Variants in ANO3 observed in about 807,000 individuals in gnomAD.
The protein encoded by ANO3 is anoctamin-3.
In ANO3, 99 loss-of-function variants were observed where a neutral mutation model predicts 144.8. The observed-to-expected ratio is 0.68, with a 90% CI of 0.58 to 0.81. The LOEUF (loss-of-function observed/expected upper bound fraction) is 0.81, where lower values mean the gene tolerates loss of function less well. ANO3 is among the 30% of genes least tolerant of loss of function. ANO3 has a pLI of 0.00. For synonymous variants in ANO3, 414 were observed against 392.6 expected (o/e 1.05, Z -0.64); for missense variants, 905 against 1,202.2 (o/e 0.75, Z 3.66).
intron 1 of ANO3, among the ~76,000 whole-genome samples, chr11:26,223,694 A>G (rs1168142808): frequency 6.6e-6 from 1 of 151,798 alleles, no homozygotes; most frequent in African/African-American, 2.4e-5. Flanking sequence ...TACATGAAGC[A>G]TGGCACTGGC....
At chr11:26,647,656 G>T in intron 23 of ANO3, 53 bp from the exon 24 acceptor site, 3 of 1,512,266 alleles carry the variant, frequency 2.0e-6, no homozygotes, top group Non-Finnish European at 1.8e-6. Context: ...ATTAATTACA[G>T]GGTTTTCATA....
intron 3 of ANO3, 53 bp downstream of exon 3, chr11:26,443,889 C>T (rs888444059): frequency 4.9e-6 from 6 of 1,234,692 alleles, no homozygotes; most frequent in Non-Finnish European, 6.9e-6. Flanking sequence ...CAAAGGTAAG[C>T]TGTGTTCTTC....
chr11:26,383,519 G>T (rs1008732391), intron 1 of ANO3, among the ~76,000 whole-genome samples: 1 of 119,724 alleles, frequency 8.4e-6, no homozygotes, highest in East Asian at 2.0e-4. Flanking sequence ...CCTAGGAGAT[G>T]ACAGCAATAT....
intron 5 of ANO3, among the ~76,000 whole-genome samples, chr11:26,513,175 T>A (rs1447820103): frequency 6.6e-6 from 1 of 151,848 alleles, no homozygotes; most frequent in Non-Finnish European, 1.5e-5. Context: ...GCAGAGGAGG[T>A]ATGGGATATT....
Position 26,627,267 on chromosome 11 carries a change from G to T in ANO3, c.1873+2769G>T, listed in dbSNP as rs573715073. 3.9e-5 allele frequency among the ~76,000 whole-genome samples: 6 copies of T among 151,904 alleles called. 1 individual carries two copies. Among genetic ancestry groups the T allele is most frequent in the Admixed American group, 3.9e-4 (6 of 15,204 alleles). ...ATCATGACTGTATAACTATCATTAA[G>T]CTTTTTCCTCTCCCTGTTCTCTCTT... On this transcript the variant is annotated intron_variant, in intron 18 of 26. Coordinates refer to ENST00000256737, the MANE Select transcript of ANO3 (RefSeq NM_031418.4).
At position 26,245,018 on chromosome 11, in the gene ANO3, T is replaced by TGTGTGCGCGTGC. The variant is rs151031559; in HGVS notation, c.154+55691_154+55692insTGCGCGTGCGTG. Among the ~76,000 whole-genome samples, 85 of 145,426 alleles carry TGTGTGCGCGTGC rather than the reference T, an allele frequency of 5.8e-4. 2 individuals carry two copies. The highest frequency in any genetic ancestry group is 2.1e-3 in the African/African-American group (82 of 39,540). ...GTGTGTGTGTGTGTGTGTGTGTGTG[T>TGTGTGCGCGTGC]GTGCATGCATGCATTTGTCTTTCAT... On this transcript the variant is annotated intron_variant, in intron 1 of 27. Transcript: ENST00000672621.
At chr11:26,488,524 A>G (rs569002753) in intron 4 of ANO3, among the ~76,000 whole-genome samples, 3 of 152,040 alleles carry the variant, frequency 2.0e-5, no homozygotes, top group Non-Finnish European at 2.9e-5. Flanking sequence ...GTTCCTTCAG[A>G]TGTTCAGATG....
chr11:26,512,065 T>C (rs1470963599), intron 5 of ANO3, among the ~76,000 whole-genome samples: 1 of 152,154 alleles, frequency 6.6e-6, no homozygotes, highest in African/African-American at 2.4e-5. Context: ...AAAAATAAAT[T>C]TGGATTACTG....
chr11:26,446,164 C>G (rs369660501), intron 3 of ANO3, among the ~76,000 whole-genome samples: 3 of 152,018 alleles, frequency 2.0e-5, no homozygotes, highest in East Asian at 3.9e-4. Flanking sequence ...AGACGCCCGG[C>G]CTAATATGAC....
At chr11:26,496,929 A>G (rs1023964081) in intron 4 of ANO3, among the ~76,000 whole-genome samples, 4 of 150,526 alleles carry the variant, frequency 2.7e-5, no homozygotes, top group South Asian at 2.1e-4. Flanking sequence ...TATAAAATCA[A>G]CCTAAGCATT....
intron 4 of ANO3, among the ~76,000 whole-genome samples, chr11:26,483,064 A>C (rs540767410): frequency 6.6e-6 from 1 of 151,868 alleles, no homozygotes; most frequent in South Asian, 2.1e-4. Flanking sequence ...CAATATAATG[A>C]TTTCTTTTCC....
chr11:26,640,432 G>A (rs1029450157), intron 21 of ANO3, among the ~76,000 whole-genome samples: 1 of 152,166 alleles, frequency 6.6e-6, no homozygotes, highest in African/African-American at 2.4e-5. Context: ...CAGTTCATTT[G>A]TGGTGTTCCT....
At chr11:26,233,101 C>T (rs1374359805) in intron 1 of ANO3, among the ~76,000 whole-genome samples, 5 of 151,824 alleles carry the variant, frequency 3.3e-5, no homozygotes, top group Admixed American at 6.6e-5. Flanking sequence ...CCTGTAGTCC[C>T]AGCTACTCGG....
intron 1 of ANO3, among the ~76,000 whole-genome samples, chr11:26,365,043 G>A (rs1385098905): frequency 1.3e-5 from 2 of 152,156 alleles, no homozygotes; most frequent in Non-Finnish European, 2.9e-5. Context: ...AGATACAATG[G>A]GGGTATTGGC....
chr11:26,508,017 T>C, intron 4 of ANO3, 87 bp from the exon 5 acceptor site: 1 of 1,130,380 alleles, frequency 8.8e-7, no homozygotes. Context: ...TGATATTGTA[T>C]TGCCAGTGTT....
chr11:26,283,040 C>A (rs907551339), intron 1 of ANO3, among the ~76,000 whole-genome samples: 18 of 151,688 alleles, frequency 1.2e-4, no homozygotes, highest in African/African-American at 3.6e-4. Flanking sequence ...AATTGAAAAA[C>A]AAATCATTGC....
intron 1 of ANO3, chr11:26,287,306 C>T (rs2041583890): frequency 1.3e-5 from 2 of 152,154 alleles, no homozygotes; most frequent in African/African-American, 4.8e-5. Context: ...ATAATGATGA[C>T]TAACATGTAT....
intron 21 of ANO3, among the ~76,000 whole-genome samples, chr11:26,639,888 A>G (rs960234190): frequency 9.9e-5 from 15 of 152,230 alleles, no homozygotes; most frequent in African/African-American, 3.4e-4. Context: ...AAAACAATGT[A>G]ATATTGAAGC....
intron 1 of ANO3, among the ~76,000 whole-genome samples, chr11:26,215,510 G>A (rs1852019102): frequency 1.3e-5 from 2 of 151,708 alleles, no homozygotes; most frequent in Non-Finnish European, 1.5e-5. Flanking sequence ...AAATATTGGA[G>A]GCTCAACTTG....
Sources: allele counts gnomAD v4.1 joint callset (sites outside exome capture counted in the v4.1 genomes callset), GRCh38; gene constraint gnomAD v4.1.1; transcripts MANE v1.5; gene names NCBI Gene and HGNC (gene_info 2026-07-23, HGNC 2026-07-21).